NAALADL2: variants seen among roughly 807,000 people sequenced by gnomAD.
NAALADL2 encodes N-acetylated alpha-linked acidic dipeptidase like 2.
Under a neutral mutation model 87.2 loss-of-function variants are expected in NAALADL2, and 76 were observed. That is an observed-to-expected ratio of 0.87 (90% CI 0.72 to 1.05). The LOEUF (loss-of-function observed/expected upper bound fraction) is 1.05. Ranked by LOEUF, NAALADL2 falls within the 50% of genes least tolerant of loss-of-function variation. The pLI is 0.00. For missense variants in NAALADL2, 1,089 were observed against 945.8 expected (o/e 1.15, Z -1.99); for synonymous variants, 354 against 331.0 (o/e 1.07, Z -0.75).
chr3:175,283,405 A>G lies in NAALADL2; in HGVS notation c.939+26875A>G, dbSNP rs9842183. Among the ~76,000 whole-genome samples the G allele has an allele frequency of 3.1e-3, 471 of 152,122 alleles. 2 individuals carry two copies. The highest frequency in any genetic ancestry group is 0.011 in the African/African-American group (448 of 41,524). On this transcript the variant is annotated intron_variant, in intron 4 of 13. Coordinates refer to ENST00000454872, the MANE Select transcript of NAALADL2 (RefSeq NM_207015.3). ...ATTTGTGAAATTAACAGTTTTTTCA[A>G]TGTTCTTTACAAAATGTTTTTGTTC... is the stretch of plus-strand genomic sequence containing the variant.
chr3:174,830,455 C>A (rs1240575394), intron 3 of NAALADL2, among the ~76,000 whole-genome samples: 2 of 152,000 alleles, frequency 1.3e-5, no homozygotes, highest in Middle Eastern at 3.2e-3. Flanking sequence ...GGGCTCTGTT[C>A]TTTTCCATTG....
chr3:175,775,929 G>A (rs1750172038), intron 13 of NAALADL2, among the ~76,000 whole-genome samples: 1 of 152,084 alleles, frequency 6.6e-6, no homozygotes, highest in Non-Finnish European at 1.5e-5. Context: ...TTTTAACTGA[G>A]CCAGCTACAG....
At chr3:175,746,819 C>G (rs1358699660) in intron 12 of NAALADL2, among the ~76,000 whole-genome samples, 1 of 152,182 alleles carries the variant, frequency 6.6e-6, no homozygotes, top group African/African-American at 2.4e-5. Flanking sequence ...TAGTCTCAAT[C>G]CCCATTACAT....
At chr3:175,052,606 G>T (rs1053828332) in intron 1 of NAALADL2, among the ~76,000 whole-genome samples, 2 of 152,150 alleles carry the variant, frequency 1.3e-5, no homozygotes, top group African/African-American at 4.8e-5. Context: ...TCTGTCTGCA[G>T]CCCCTTCAAG....
At chr3:175,062,780 C>A (rs1343424140) in intron 1 of NAALADL2, among the ~76,000 whole-genome samples, 1 of 152,076 alleles carries the variant, frequency 6.6e-6, no homozygotes, top group African/African-American at 2.4e-5. Context: ...AACCCAAAGA[C>A]ATGCAGAAAG....
intron 12 of NAALADL2, among the ~76,000 whole-genome samples, chr3:175,754,203 G>T (rs1746959316): frequency 6.6e-6 from 1 of 152,170 alleles, no homozygotes; most frequent in Admixed American, 6.5e-5. Flanking sequence ...AATCTATGAA[G>T]CAGGTACTAT....
intron 9 of NAALADL2, among the ~76,000 whole-genome samples, chr3:175,572,225 G>A (rs896069464): frequency 4.6e-5 from 7 of 151,914 alleles, no homozygotes; most frequent in Non-Finnish European, 8.8e-5. Context: ...GACATGAGGC[G>A]GCTCAAAAGT....
At chr3:175,177,681 A>T (rs1414218136) in intron 2 of NAALADL2, among the ~76,000 whole-genome samples, 2 of 152,144 alleles carry the variant, frequency 1.3e-5, no homozygotes, top group Admixed American at 1.3e-4. Context: ...AGGTAACAAC[A>T]AAAACCATAA....
chr3:174,809,644 G>A (rs1295797377), intron 3 of NAALADL2, among the ~76,000 whole-genome samples: 1 of 126,310 alleles, frequency 7.9e-6, no homozygotes, highest in South Asian at 2.6e-4. Context: ...CTGAAAAATG[G>A]ACTGACTTTT....
intron 13 of NAALADL2, among the ~76,000 whole-genome samples, chr3:175,796,974 A>G (rs1030622818): frequency 6.9e-6 from 1 of 145,600 alleles, no homozygotes; most frequent in Non-Finnish European, 1.5e-5. Context: ...CTTTTGCTTT[A>G]GTTAAGAGGA....
chr3:174,932,979 T>G (rs1255604580), intron 1 of NAALADL2, among the ~76,000 whole-genome samples: 1 of 152,034 alleles, frequency 6.6e-6, no homozygotes, highest in East Asian at 1.9e-4. Context: ...TAGCTGGGTG[T>G]GGTGGCACAT....
chr3:175,476,996 A>T (rs762454452), intron 9 of NAALADL2, among the ~76,000 whole-genome samples: 11 of 152,138 alleles, frequency 7.2e-5, no homozygotes, highest in Non-Finnish European at 1.0e-4. Flanking sequence ...AAGTCAATAG[A>T]TATTCCCTTG....
intron 5 of NAALADL2, among the ~76,000 whole-genome samples, chr3:175,351,187 C>T (rs911499624): frequency 3.3e-5 from 5 of 152,042 alleles, no homozygotes; most frequent in African/African-American, 4.8e-5. Flanking sequence ...GGCTTCAACA[C>T]AGCAAAACTC....
intron 9 of NAALADL2, among the ~76,000 whole-genome samples, chr3:175,544,265 A>T (rs1256635493): frequency 6.6e-6 from 1 of 152,218 alleles, no homozygotes; most frequent in Non-Finnish European, 1.5e-5. Context: ...GCTTTTTGCA[A>T]TAATGAGCAA....
chr3:175,343,563 G>A (rs1762783111), intron 5 of NAALADL2, among the ~76,000 whole-genome samples: 1 of 151,382 alleles, frequency 6.6e-6, no homozygotes. Flanking sequence ...CATTTCTTTG[G>A]TGATTTCTAG....
chr3:175,056,239 G>A (rs1712136221), intron 1 of NAALADL2, among the ~76,000 whole-genome samples: 3 of 152,134 alleles, frequency 2.0e-5, no homozygotes, highest in Non-Finnish European at 4.4e-5. Flanking sequence ...GCATTAGCTG[G>A]CAAACAAACC....
In NAALADL2 at chr3:175,726,305, A is replaced by G. The variant is rs866215759; in HGVS notation, c.1897-11001A>G. Among the ~76,000 whole-genome samples, 2 of 151,390 alleles carry G rather than the reference A, an allele frequency of 1.3e-5. 1 individual carries two copies. Among genetic ancestry groups the G allele is most frequent in the Middle Eastern group, 7.0e-3 (2 of 286 alleles). ...ATTACATGAGTTACTTTTCTGTGGC[A>G]TGGGAATAGAAAGTAAGCATTTTAT... On this transcript the variant is annotated intron_variant, in intron 11 of 13. Transcript: ENST00000454872.
chr3:174,973,765 C>G (rs114705506), intron 1 of NAALADL2, among the ~76,000 whole-genome samples: 94 of 152,134 alleles, frequency 6.2e-4, no homozygotes, highest in African/African-American at 2.2e-3. Context: ...ATACTGTAGA[C>G]AATTTTAATA....
At chr3:175,445,033 G>C (rs534201822) in intron 5 of NAALADL2, among the ~76,000 whole-genome samples, 1 of 152,070 alleles carries the variant, frequency 6.6e-6, no homozygotes, top group Admixed American at 6.5e-5. Context: ...CTGAAGTCCC[G>C]TCAATTAAAT....
Sources: allele counts gnomAD v4.1 joint callset (sites outside exome capture counted in the v4.1 genomes callset), GRCh38; gene constraint gnomAD v4.1.1; transcripts MANE v1.5; gene names NCBI Gene and HGNC (gene_info 2026-07-23, HGNC 2026-07-21).